Variants in GRM5 observed in about 807,000 individuals in gnomAD.
The protein encoded by GRM5 is metabotropic glutamate receptor 5.
Under a neutral mutation model 83.1 loss-of-function variants are expected in GRM5, and 19 were observed. The ratio of observed to expected loss-of-function variants is 0.23; its 90% CI spans 0.16 to 0.34. The LOEUF is 0.34. GRM5 is among the 10% of genes least tolerant of loss of function. The pLI is 1.00. For missense variants in GRM5, 1,160 were observed against 1,588.3 expected, an observed-to-expected ratio of 0.73 and a Z score of 4.58; for synonymous variants, 675 against 633.6, an observed-to-expected ratio of 1.07 and a Z score of -0.98.
intron 3 of GRM5, among the ~76,000 whole-genome samples, chr11:88,722,839 A>G (rs912688313): frequency 5.9e-5 from 9 of 152,104 alleles, no homozygotes; most frequent in African/African-American, 2.2e-4. Context: ...AGTTGTTACA[A>G]TTGATGAATC....
At chr11:88,911,575 T>C (rs1945500061) in intron 2 of GRM5, among the ~76,000 whole-genome samples, 1 of 152,152 alleles carries the variant, frequency 6.6e-6, no homozygotes, top group African/African-American at 2.4e-5. Flanking sequence ...GCATAGTGTA[T>C]AGAAAACAGC....
In GRM5 at chr11:88,636,430, T is replaced by C. The variant is rs114073765; in HGVS notation, c.1147+16738A>G. ...AGGAGGCTGAGGCAGGATAATTGAT[T>C]GAACCTGAGAGGCTTGAACACAGGA... On this transcript the variant is annotated intron_variant, in intron 4 of 9. Transcript: ENST00000305447. 4.5e-3 allele frequency among the ~76,000 whole-genome samples: 678 copies of C among 152,178 alleles called. 2 individuals are homozygous for C. Among genetic ancestry groups the C allele is most frequent in the African/African-American group, 0.015 (630 of 41,520 alleles).
chr11:88,943,394 C>A (rs1465748574), intron 2 of GRM5, among the ~76,000 whole-genome samples: 1 of 152,086 alleles, frequency 6.6e-6, no homozygotes, highest in Non-Finnish European at 1.5e-5. Flanking sequence ...TAATCATTTT[C>A]ACCATTTCTT....
intron 2 of GRM5, among the ~76,000 whole-genome samples, chr11:88,850,939 T>C (rs1944379445): frequency 6.6e-6 from 1 of 152,254 alleles, no homozygotes; most frequent in African/African-American, 2.4e-5. Flanking sequence ...ATATATGTGA[T>C]CTAATTTAGC....
rs1565317795 is a variant in GRM5 at position 88,978,473 on chromosome 11, T to TA, written c.661+68738_661+68739insT. ...GTAACATTAACAACAGCAGATGAGC[T>TA]TAAAAAAAAAAAAAAAAAAAAAAAA... is the stretch of plus-strand genomic sequence containing the variant. On this transcript the variant is annotated intron_variant, in intron 2 of 9. Transcript: ENST00000305447. Among the ~76,000 whole-genome samples the TA allele has an allele frequency of 9.9e-4, 56 of 56,834 alleles. 1 individual carries two copies. Among genetic ancestry groups the TA allele is most frequent in the African/African-American group, 3.4e-3 (51 of 15,192 alleles). 37.3% of individuals were successfully genotyped at this position (56,834 alleles called of 152,430 possible). A position where few individuals can be genotyped will look rare whatever the true frequency, so the allele number is the denominator to read the frequency against.
In GRM5 at chr11:88,653,970, C is replaced by T. The variant is rs531403773; in HGVS notation, c.912-567G>A. 5.9e-5 allele frequency among the ~76,000 whole-genome samples: 9 copies of T among 152,142 alleles called. No individual in the cohort carries two copies. The South Asian group carries it at 6.2e-4, about 11-fold the overall frequency. On this transcript the variant is annotated intron_variant, in intron 3 of 9. Transcript: ENST00000305447. Reference sequence around the variant, plus strand: ...TATTCAATGTTGATTTCCCAAGCCTCGAACTGAAATCTTTGTAGTCCATAG... The same window carrying T: ...TATTCAATGTTGATTTCCCAAGCCTTGAACTGAAATCTTTGTAGTCCATAG...
chr11:88,542,025 C>T (rs760551961), intron 8 of GRM5, among the ~76,000 whole-genome samples: 1 of 152,206 alleles, frequency 6.6e-6, no homozygotes, highest in Non-Finnish European at 1.5e-5. Flanking sequence ...ACCTGCTTAA[C>T]ATTTGGCCAT....
intron 2 of GRM5, among the ~76,000 whole-genome samples, chr11:89,042,717 T>C (rs1199658539): frequency 6.6e-6 from 1 of 152,178 alleles, no homozygotes; most frequent in Non-Finnish European, 1.5e-5. Flanking sequence ...ATGGGAAAAG[T>C]GTACTCCCAG....
At chr11:88,860,065 G>A (rs1944536542) in intron 2 of GRM5, among the ~76,000 whole-genome samples, 1 of 152,138 alleles carries the variant, frequency 6.6e-6, no homozygotes, top group Admixed American at 6.6e-5. Flanking sequence ...AAACTTCAGA[G>A]AGACCATAGA....
chr11:89,020,318 T>C (rs367728526), intron 2 of GRM5, among the ~76,000 whole-genome samples: 1 of 152,232 alleles, frequency 6.6e-6, no homozygotes, highest in African/African-American at 2.4e-5. Flanking sequence ...ATTAATAATA[T>C]GTCACATCCA....
intron 2 of GRM5, among the ~76,000 whole-genome samples, chr11:88,948,964 A>G (rs1938370068): frequency 6.6e-6 from 1 of 152,206 alleles, no homozygotes; most frequent in Non-Finnish European, 1.5e-5. Flanking sequence ...GTCACTTCCT[A>G]ATTTTACATC....
intron 3 of GRM5, among the ~76,000 whole-genome samples, chr11:88,751,525 T>C (rs1942274339): frequency 6.6e-6 from 1 of 151,940 alleles, no homozygotes. Flanking sequence ...CTACCAGAGG[T>C]ACAAAGAAGA....
At chr11:89,017,881 A>T (rs370018788) in intron 2 of GRM5, among the ~76,000 whole-genome samples, 1 of 152,156 alleles carries the variant, frequency 6.6e-6, no homozygotes, top group Non-Finnish European at 1.5e-5. Context: ...TTTAGATAAA[A>T]GTCTAGGTCA....
At chr11:88,901,543 T>G (rs953610912) in intron 2 of GRM5, among the ~76,000 whole-genome samples, 5 of 152,140 alleles carry the variant, frequency 3.3e-5, no homozygotes, top group Non-Finnish European at 5.9e-5. Flanking sequence ...ATTGCTGTGA[T>G]GGCAACACAG....
intron 3 of GRM5, among the ~76,000 whole-genome samples, chr11:88,722,999 C>T (rs1941583552): frequency 6.6e-6 from 1 of 152,028 alleles, no homozygotes; most frequent in Non-Finnish European, 1.5e-5. Context: ...CTAAAAATCC[C>T]CTGTGCCCTG....
intron 4 of GRM5, among the ~76,000 whole-genome samples, chr11:88,646,211 A>G (rs975028633): frequency 1.3e-5 from 2 of 152,092 alleles, no homozygotes; most frequent in Non-Finnish European, 2.9e-5. Flanking sequence ...AGAATAGCAT[A>G]GTTATTAGGA....
chr11:88,590,752 A>ATT (rs539731911), intron 6 of GRM5, 25 bp from the exon 7 acceptor site: 5 of 1,586,306 alleles, frequency 3.2e-6, no homozygotes, highest in South Asian at 1.1e-5. Flanking sequence ...TGAAATTTAG[A>ATT]TTTTTTTTTG....
chr11:88,611,454 G>T (rs1017805794), intron 4 of GRM5, among the ~76,000 whole-genome samples: 1 of 152,112 alleles, frequency 6.6e-6, no homozygotes, highest in Non-Finnish European at 1.5e-5. Context: ...GAGGCTGGGT[G>T]TTTTCAGAAA....
At chr11:88,596,939 T>C (rs1937825442) in intron 6 of GRM5, among the ~76,000 whole-genome samples, 1 of 152,086 alleles carries the variant, frequency 6.6e-6, no homozygotes, top group Non-Finnish European at 1.5e-5. Flanking sequence ...GTCATGTCTT[T>C]AAAGGCTTGT....
Sources: allele counts gnomAD v4.1 joint callset (sites outside exome capture counted in the v4.1 genomes callset), GRCh38; gene constraint gnomAD v4.1.1; transcripts MANE v1.5; gene names NCBI Gene and HGNC (gene_info 2026-07-23, HGNC 2026-07-21).